Variants in NLGN1 observed in about 807,000 individuals in gnomAD.
NLGN1 encodes neuroligin 1, also known as neuroligin-1.
In NLGN1, 12 loss-of-function variants were observed where a neutral mutation model predicts 65.5. The ratio of observed to expected loss-of-function variants is 0.18; its 90% confidence interval spans 0.12 to 0.30. The LOEUF (loss-of-function observed/expected upper bound fraction) is 0.30, where lower values mean the gene tolerates loss of function less well. Among genes scored for constraint, NLGN1 ranks in the 10% least tolerant of loss-of-function variants. NLGN1 has a pLI of 1.00. For synonymous variants in NLGN1, 350 were observed against 359.5 expected (o/e 0.97, Z 0.30); for missense variants, 750 against 1,007.1 (o/e 0.74, Z 3.46).
At chr3:173,787,793 A>C (rs1172304375) in intron 3 of NLGN1, among the ~76,000 whole-genome samples, 2 of 152,198 alleles carry the variant, frequency 1.3e-5, no homozygotes, top group Admixed American at 6.5e-5. Flanking sequence ...GCTTTCAGTG[A>C]CCATGTTTCC....
chr3:173,965,100 G>A (rs1714525704), intron 4 of NLGN1, among the ~76,000 whole-genome samples: 1 of 151,900 alleles, frequency 6.6e-6, no homozygotes, highest in Non-Finnish European at 1.5e-5. Context: ...GAAGTCTGTG[G>A]CCAAATTTTG....
intron 3 of NLGN1, among the ~76,000 whole-genome samples, chr3:173,619,566 A>G (rs1753660628): frequency 6.6e-6 from 1 of 152,202 alleles, no homozygotes; most frequent in South Asian, 2.1e-4. Context: ...ATGGCTTTAT[A>G]TATTAACTTA....
At position 173,903,063 on chromosome 3, in the gene NLGN1, G is replaced by A. The variant is rs181601285; in HGVS notation, c.646+95231G>A. On this transcript the variant is annotated intron_variant, in intron 4 of 6. Transcript: ENST00000457714. ...CTATGCAGATGAATAGCACTGTAAA[G>A]TTCTGGAAAAGTTTAGCATGAGGAA... Among the ~76,000 whole-genome samples, 556 of 152,252 alleles carry A rather than the reference G, an allele frequency of 3.7e-3. 2 individuals are homozygous for A. The highest frequency in any genetic ancestry group is 6.0e-3 in the Non-Finnish European group (411 of 67,998).
chr3:173,939,156 A>C (rs1480214235), intron 4 of NLGN1, among the ~76,000 whole-genome samples: 1 of 152,220 alleles, frequency 6.6e-6, no homozygotes, highest in African/African-American at 2.4e-5. Context: ...TAGTTTTCGC[A>C]TGCTTCCAGA....
chr3:173,847,679 C>G (rs1726048862), intron 4 of NLGN1, among the ~76,000 whole-genome samples: 1 of 152,128 alleles, frequency 6.6e-6, no homozygotes, highest in South Asian at 2.1e-4. Flanking sequence ...TGAGACCAGC[C>G]TGGCCAACAT....
At chr3:173,925,952 A>C (rs1381995830) in intron 4 of NLGN1, among the ~76,000 whole-genome samples, 1 of 152,008 alleles carries the variant, frequency 6.6e-6, no homozygotes, top group Non-Finnish European at 1.5e-5. Context: ...AAAAGCATAC[A>C]TGCCATTCAA....
At chr3:174,273,218 T>A (rs1466998547) in intron 4 of NLGN1, among the ~76,000 whole-genome samples, 2 of 151,642 alleles carry the variant, frequency 1.3e-5, no homozygotes, top group Non-Finnish European at 3.0e-5. Flanking sequence ...GTAACTGGAG[T>A]AATTTGAATG....
chr3:173,661,723 A>G (rs1560123773), intron 3 of NLGN1, among the ~76,000 whole-genome samples: 1 of 152,058 alleles, frequency 6.6e-6, no homozygotes, highest in Non-Finnish European at 1.5e-5. Context: ...TCATAACTAT[A>G]AACAATATGG....
rs182206942 is a variant in NLGN1 at position 173,839,455 on chromosome 3, G to A, written c.646+31623G>A. ...GTTTTTTTTTTTGAGACGAAGTCTT[G>A]CTCTGTCACCAGGCTGGAGTGCAGT... is the stretch of plus-strand genomic sequence containing the variant. On this transcript the variant is annotated intron_variant, in intron 4 of 6. Transcript: ENST00000457714. Among the ~76,000 whole-genome samples the A allele has an allele frequency of 6.4e-4, 93 of 146,232 alleles. 1 individual carries two copies. In the East Asian group the frequency reaches 0.017, roughly 27 times the overall value.
intron 2 of NLGN1, among the ~76,000 whole-genome samples, chr3:173,585,501 C>A (rs950567624): frequency 9.9e-5 from 15 of 152,254 alleles, no homozygotes; most frequent in African/African-American, 3.4e-4. Context: ...CTTCCTACCC[C>A]TTCCCGCTTC....
intron 3 of NLGN1, among the ~76,000 whole-genome samples, chr3:173,776,926 C>T (rs929211636): frequency 1.3e-5 from 2 of 151,952 alleles, no homozygotes; most frequent in Admixed American, 1.3e-4. Context: ...ATCTCATTAT[C>T]ATCATAATCT....
chr3:173,811,123 C>A (rs1717821492), intron 4 of NLGN1, among the ~76,000 whole-genome samples: 1 of 152,218 alleles, frequency 6.6e-6, no homozygotes, highest in Non-Finnish European at 1.5e-5. Context: ...TGTCCTCAGC[C>A]AGTTTTGACA....
chr3:173,825,332 A>G (rs1219521292), intron 4 of NLGN1, among the ~76,000 whole-genome samples: 2 of 151,928 alleles, frequency 1.3e-5, no homozygotes, highest in Non-Finnish European at 2.9e-5. Context: ...GTGGCATGGC[A>G]ATAATGACCA....
intron 2 of NLGN1, among the ~76,000 whole-genome samples, chr3:173,477,485 A>G (rs147102685): frequency 1.3e-5 from 2 of 152,308 alleles, no homozygotes; most frequent in East Asian, 3.9e-4. Context: ...TCGAGGCTAC[A>G]GTGAACTATG....
At chr3:173,884,005 AT>A (rs1054730941) in intron 4 of NLGN1, among the ~76,000 whole-genome samples, 3 of 150,996 alleles carry the variant, frequency 2.0e-5, no homozygotes, top group African/African-American at 7.3e-5. Flanking sequence ...TTGAATACGT[AT>A]TTACCTTTGC....
chr3:173,503,221 C>T (rs1035955006), intron 2 of NLGN1, among the ~76,000 whole-genome samples: 1 of 152,036 alleles, frequency 6.6e-6, no homozygotes, highest in African/African-American at 2.4e-5. Context: ...TCTTAGTTAA[C>T]ATCTACTAAG....
chr3:173,437,351 A>G (rs1190091605), intron 2 of NLGN1, among the ~76,000 whole-genome samples: 3 of 152,192 alleles, frequency 2.0e-5, no homozygotes, highest in Non-Finnish European at 4.4e-5. Context: ...TACTGTAAAG[A>G]CCTGATTACT....
intron 4 of NLGN1, among the ~76,000 whole-genome samples, chr3:174,119,963 A>G (rs1490975482): frequency 6.6e-6 from 1 of 152,236 alleles, no homozygotes; most frequent in East Asian, 1.9e-4. Flanking sequence ...AATAATAGCT[A>G]TATTTTATTA....
At chr3:173,469,783 C>T (rs1044557941) in intron 2 of NLGN1, among the ~76,000 whole-genome samples, 3 of 151,938 alleles carry the variant, frequency 2.0e-5, no homozygotes, top group African/African-American at 7.2e-5. Flanking sequence ...CTGGTAGCCG[C>T]CAATCTACAT....
Sources: gnomAD v4.1 joint callset for allele counts (sites outside exome capture counted in the v4.1 genomes callset) on GRCh38, gnomAD v4.1.1 for gene constraint, MANE v1.5 for transcripts, NCBI Gene and HGNC (gene_info 2026-07-23, HGNC 2026-07-21) for gene names.